UGT2A2: variants seen among roughly 807,000 people sequenced by gnomAD.
The protein encoded by UGT2A2 is UDP glucuronosyltransferase family 2 member A2.
Under a neutral mutation model 50.7 loss-of-function variants are expected in UGT2A2, and 60 were observed. The ratio of observed to expected loss-of-function variants is 1.18; its 90% CI spans 0.96 to 1.47. The LOEUF is 1.47. Among genes scored for constraint, UGT2A2 ranks in the 40% most tolerant of loss-of-function variants. The pLI is 0.00. For synonymous variants in UGT2A2, 242 were observed against 214.6 expected (o/e 1.13, Z -1.11); for missense variants, 762 against 634.0 (o/e 1.20, Z -2.17).
intron 1 of UGT2A2, among the ~76,000 whole-genome samples, chr4:69,626,686 C>A (rs971712567): frequency 3.3e-5 from 5 of 151,586 alleles, no homozygotes; most frequent in Non-Finnish European, 5.9e-5. Context: ...GAAAGCTGGT[C>A]ATTTAAAAAA....
chr4:69,612,584 A>T (rs1247067477), intron 1 of UGT2A2, among the ~76,000 whole-genome samples: 1 of 151,962 alleles, frequency 6.6e-6, no homozygotes, highest in Non-Finnish European at 1.5e-5. Flanking sequence ...AGCCACACAA[A>T]ACCATTTGAT....
intron 1 of UGT2A2, among the ~76,000 whole-genome samples, chr4:69,635,460 C>T (rs915156430): frequency 2.0e-5 from 3 of 152,186 alleles, no homozygotes; most frequent in Non-Finnish European, 4.4e-5. Context: ...ATTGCTGCAG[C>T]AAAGGCTAGT....
Position 69,603,937 on chromosome 4 carries a change from C to A in UGT2A2, c.743-4543G>T, listed in dbSNP as rs1286256442. Among the ~76,000 whole-genome samples, 2 of 136,550 alleles carry A rather than the reference C, an allele frequency of 1.5e-5. 1 individual carries two copies. The highest frequency in any genetic ancestry group is 3.1e-5 in the Non-Finnish European group (2 of 64,194). The allele number at this position is 136,550 out of a possible 152,430, so 89.6% of individuals were successfully genotyped here. On this transcript the variant is annotated intron_variant, in intron 1 of 5. Coordinates refer to ENST00000604629, the MANE Select transcript of UGT2A2 (RefSeq NM_001105677.2). ...CTATGTGAAAAGACCAAATCTACGT[C>A]TGATTGGTGTACCTGAAAGTGATGG...
At chr4:69,592,387 A>G (rs1393733435) in intron 5 of UGT2A2, among the ~76,000 whole-genome samples, 1 of 152,200 alleles carries the variant, frequency 6.6e-6, no homozygotes, top group Non-Finnish European at 1.5e-5. Flanking sequence ...ACATATTGAA[A>G]AATAAATGAG....
At chr4:69,596,479 A>G (rs902211700) in intron 2 of UGT2A2, 98 bp from the exon 3 acceptor site, 23 of 1,351,046 alleles carry the variant, frequency 1.7e-5, no homozygotes, top group Non-Finnish European at 2.0e-5. Flanking sequence ...GATATATGTC[A>G]GAGAAACTGT....
chr4:69,595,108 T>C, intron 4 of UGT2A2, 54 bp downstream of exon 4: 1 of 1,594,930 alleles, frequency 6.3e-7, no homozygotes, highest in Non-Finnish European at 8.6e-7. Context: ...ATTAAACAGT[T>C]ACTTAACTTG....
rs769968064 is a variant in UGT2A2 at position 69,639,507 on chromosome 4, A to C, written c.134T>G (p.Ile45Ser). The change falls in exon 1 of 6, where the codon ATT becomes AGT. Residue 45 changes from isoleucine (I) to serine (S), a missense_variant. Ile to Ser is a moderately radical substitution (Grantham distance 142). Transcript: ENST00000604629. Reference sequence around the variant, plus strand: ...AATCAACTCTTCTAGAATAATCTTAATATTTAACCAATGGCTACCATCTGT... The same window carrying C: ...AATCAACTCTTCTAGAATAATCTTACTATTTAACCAATGGCTACCATCTGT... ...WPTDGSHWLN[I>S]KIILEELIQR... 1 of 1,613,388 alleles carries C rather than the reference A, an allele frequency of 6.2e-7. No individual in the cohort carries two copies. Among genetic ancestry groups the C allele is most frequent in the Non-Finnish European group, 8.5e-7 (1 of 1,179,580 alleles).
chr4:69,616,726 G>T (rs1720412351), intron 1 of UGT2A2, among the ~76,000 whole-genome samples: 1 of 151,584 alleles, frequency 6.6e-6, no homozygotes, highest in African/African-American at 2.4e-5. Context: ...ATAAGAAATG[G>T]AAAAGTATAA....
chr4:69,594,683 G>A lies in UGT2A2; in HGVS notation c.1125C>T (p.Thr375=), dbSNP rs750500169. Residue 375 remains threonine, a synonymous_variant, in exon 5 of 6, where the codon ACC becomes ACT. Transcript: ENST00000604629. ...PQNDLLGHPK[T]KAFITHGGTN... ...TTCCACCATGAGTGATAAAAGCTTT[G>A]GTTTTGGGATGTCCTAATTTGAGGA... 31 of 1,613,418 alleles carry A rather than the reference G, an allele frequency of 1.9e-5. No individual in the cohort carries two copies. The highest frequency in any genetic ancestry group is 2.5e-5 in the Non-Finnish European group (29 of 1,179,742).
Position 69,639,065 on chromosome 4 carries a change from A to C in UGT2A2, c.576T>G (p.Cys192Trp). The change falls in exon 1 of 6, where the codon TGT becomes TGG. Residue 192 changes from cysteine to tryptophan, a missense_variant. Cys to Trp is a radical substitution (Grantham distance 215). Coordinates refer to ENST00000604629, the MANE Select transcript of UGT2A2 (RefSeq NM_001105677.2). ...FSPASTVERH[C>W]GKIPAPVSYV... is the part of the protein sequence containing the mutation. ...AGGAGACTGGTGCTGGGATTTTCCCACAGTGTCTCTCCACTGTTGATGCTG... is the reference window on the plus strand; with the variant it reads ...AGGAGACTGGTGCTGGGATTTTCCCCCAGTGTCTCTCCACTGTTGATGCTG... 1.2e-6 allele frequency: 2 copies of C among 1,613,452 alleles called. No individual in the cohort carries two copies. Among genetic ancestry groups the C allele is most frequent in the Non-Finnish European group, 1.7e-6 (2 of 1,179,652 alleles).
At chr4:69,615,352 C>T (rs1041379965) in intron 1 of UGT2A2, among the ~76,000 whole-genome samples, 2 of 151,856 alleles carry the variant, frequency 1.3e-5, no homozygotes, top group Non-Finnish European at 2.9e-5. Flanking sequence ...CCATCCAAAG[C>T]AAAAATGGAC....
At chr4:69,634,665 T>G (rs1721578982) in intron 1 of UGT2A2, among the ~76,000 whole-genome samples, 1 of 152,088 alleles carries the variant, frequency 6.6e-6, no homozygotes, top group African/African-American at 2.4e-5. Context: ...AAGAGAAGAA[T>G]AATATAATAA....
chr4:69,608,056 C>T (rs185508502), intron 1 of UGT2A2, among the ~76,000 whole-genome samples: 16 of 152,210 alleles, frequency 1.1e-4, no homozygotes, highest in African/African-American at 3.9e-4. Flanking sequence ...TTGATCCAGC[C>T]ATCCCATTAC....
chr4:69,613,244 A>G (rs1207190820), intron 1 of UGT2A2, among the ~76,000 whole-genome samples: 1 of 151,974 alleles, frequency 6.6e-6, no homozygotes, highest in African/African-American at 2.4e-5. Flanking sequence ...CTAGAAGTAA[A>G]CAGATACCTA....
At chr4:69,594,854 G>C (rs1477977640) in intron 4 of UGT2A2, among the ~76,000 whole-genome samples, 158 bp from the exon 5 acceptor site, 9 of 152,184 alleles carry the variant, frequency 5.9e-5, no homozygotes, top group Admixed American at 2.6e-4. Flanking sequence ...TCAGAAAACT[G>C]TGATCCCAGG....
chr4:69,628,730 A>G lies in UGT2A2; in HGVS notation c.742+10169T>C, dbSNP rs915703295. On this transcript the variant is annotated intron_variant, in intron 1 of 5. Transcript: ENST00000604629. ...TTAAAAGCAAATATATGAATGATCT[A>G]GAATGCCTACTTCTACTTAATACTA... is the stretch of plus-strand genomic sequence containing the variant. Among the ~76,000 whole-genome samples, 3 of 148,528 alleles carry G rather than the reference A, an allele frequency of 2.0e-5. No individual in the cohort carries two copies. In the Admixed American group the frequency reaches 2.1e-4, roughly 10 times the overall value.
At chr4:69,620,880 C>T (rs566786627) in intron 1 of UGT2A2, among the ~76,000 whole-genome samples, 4 of 151,132 alleles carry the variant, frequency 2.6e-5, no homozygotes, top group Non-Finnish European at 4.4e-5. Flanking sequence ...CTGACAAAAC[C>T]GACAAAACCA....
intron 1 of UGT2A2, among the ~76,000 whole-genome samples, chr4:69,605,235 A>T (rs922760477): frequency 7.3e-6 from 1 of 137,018 alleles, no homozygotes; most frequent in African/African-American, 3.0e-5. Flanking sequence ...CAGACCACAG[A>T]GCAATCAAAT....
chr4:69,636,031 C>T (rs1306637276), intron 1 of UGT2A2, among the ~76,000 whole-genome samples: 1 of 152,006 alleles, frequency 6.6e-6, no homozygotes, highest in Non-Finnish European at 1.5e-5. Flanking sequence ...TTGTTTTACT[C>T]ATTTCATCTG....
Sources: gnomAD v4.1 joint callset for allele counts (sites outside exome capture counted in the v4.1 genomes callset) on GRCh38, gnomAD v4.1.1 for gene constraint, MANE v1.5 for transcripts, NCBI Gene and HGNC (gene_info 2026-07-23, HGNC 2026-07-21) for gene names.